TTF2: variants seen among roughly 807,000 people sequenced by gnomAD.
TTF2 encodes the protein RNA polymerase II termination factor.
In TTF2, 108 loss-of-function variants were observed where a neutral mutation model predicts 142.4. That is an observed-to-expected ratio of 0.76 (90% CI 0.65 to 0.89). The LOEUF is 0.89. TTF2 is among the 40% of genes least tolerant of loss of function. The pLI is 0.00. For missense variants in TTF2, 1,327 were observed against 1,379.8 expected (o/e 0.96, Z 0.61); for synonymous variants, 483 against 506.2 (o/e 0.95, Z 0.61).
At chr1:117,095,520 T>C (rs1649041274) in intron 19 of TTF2, among the ~76,000 whole-genome samples, 153 bp downstream of exon 19, 1 of 152,160 alleles carries the variant, frequency 6.6e-6, no homozygotes. Flanking sequence ...ATTAAAATAT[T>C]TGTGGTACAA....
chr1:117,072,572 G>A (rs1326541537), intron 3 of TTF2, among the ~76,000 whole-genome samples: 4 of 151,694 alleles, frequency 2.6e-5, no homozygotes, highest in Admixed American at 2.6e-4. Context: ...CTACAGGCAT[G>A]TGCCACCACG....
In TTF2 at chr1:117,060,500, A is replaced by G. The variant is rs1365322363; in HGVS notation, c.74A>G (p.Lys25Arg). The G allele has an allele frequency of 6.2e-7, 1 of 1,613,852 alleles. No homozygotes were observed. Among genetic ancestry groups the G allele is most frequent in the Non-Finnish European group, 8.5e-7 (1 of 1,179,910 alleles). The change falls in exon 2 of 23, where the codon AAA (lysine) becomes AGA (arginine). Residue 25 changes from lysine to arginine, a missense_variant. Coordinates refer to ENST00000369466, the MANE Select transcript of TTF2 (RefSeq NM_003594.4). Reference protein sequence around the residue: ...LKTGVRDGPNKGKSFYVCRAD... With the variant: ...LKTGVRDGPNRGKSFYVCRAD... ...ACCGGCGTCCGCGATGGCCCGAATA[A>G]AGGAAAGAGCTTCTACGTGTGCCGG...
At position 117,098,926 on chromosome 1, in the gene TTF2, G is replaced by T; in HGVS notation, c.3344+19G>T. On this transcript the variant is annotated intron_variant, in intron 22 of 22. Coordinates refer to ENST00000369466, the MANE Select transcript of TTF2 (RefSeq NM_003594.4). ...TACACAGGTAAGTAATGGTCCCCAG[G>T]ACCCAGGACCCTTCTCAACTTGTAC... 6.2e-7 allele frequency: 1 copy of T among 1,602,468 alleles called. No individual in the cohort carries two copies. The highest frequency in any genetic ancestry group is 1.1e-5 in the South Asian group (1 of 89,496).
rs767196185 is a variant in TTF2, at chr1:117,087,558, G to T, written c.2160+1036G>T. ...TCCACCCGCCTCGGCCTCCCAAAGT[G>T]CTGGGATTATAGGCATGAGCCACCA... On this transcript the variant is annotated intron_variant, in intron 12 of 22. Transcript: ENST00000369466. The surrounding 1 kb of genome is among the most constrained non-coding windows in gnomAD (Gnocchi z 4.8). 6.6e-6 allele frequency among the ~76,000 whole-genome samples: 1 copy of T among 152,184 alleles called. No individual in the cohort carries two copies. Among genetic ancestry groups the T allele is most frequent in the Non-Finnish European group, 1.5e-5 (1 of 68,036 alleles).
rs776646557 is a variant in TTF2 at position 117,075,974 on chromosome 1, G to T, written c.1275+115G>T. The T allele has an allele frequency of 9.1e-5, 130 of 1,428,780 alleles. No individual in the cohort carries two copies. Among genetic ancestry groups the T allele is most frequent in the Non-Finnish European group, 1.1e-4 (118 of 1,073,912 alleles). The allele number at this position is 1,428,780 out of a possible 1,614,324, so 88.5% of individuals were successfully genotyped here. A position where few individuals can be genotyped will look rare whatever the true frequency, so the allele number is the denominator to read the frequency against. ...ATGTTCATGTGAAGGTTTTATAGGTGCATGTTCAGTTTCTGCCTTTTCCCC... is the reference window on the plus strand; with the variant it reads ...ATGTTCATGTGAAGGTTTTATAGGTTCATGTTCAGTTTCTGCCTTTTCCCC... On this transcript the variant is annotated intron_variant, in intron 5 of 22. Coordinates refer to ENST00000369466, the MANE Select transcript of TTF2 (RefSeq NM_003594.4). This position sits in a 1 kb window ranked among gnomAD's most constrained non-coding sequence, Gnocchi z 4.5.
chr1:117,060,974 G>GT lies in TTF2; in HGVS notation c.131+425dup, dbSNP rs1176070072. Among the ~76,000 whole-genome samples, 14 of 152,200 alleles carry GT rather than the reference G, an allele frequency of 9.2e-5. No individual in the cohort carries two copies. The East Asian group carries it at 2.1e-3, about 23-fold the overall frequency. ...TTTTGCACTAGTTTTAGGCCCGACGGTTTTTTTTAAATGTTTGAGCTTAAA... is the reference window on the plus strand; with the variant it reads ...TTTTGCACTAGTTTTAGGCCCGACGGTTTTTTTTTAAATGTTTGAGCTTAAA... On this transcript the variant is annotated intron_variant, in intron 2 of 22. Coordinates refer to ENST00000369466, the MANE Select transcript of TTF2 (RefSeq NM_003594.4).
rs1271780666 is a variant in TTF2, at chr1:117,100,472, A to G, written c.3345-908A>G. On this transcript the variant is annotated intron_variant, in intron 22 of 22. Transcript: ENST00000369466. This position sits in a 1 kb window ranked among gnomAD's most constrained non-coding sequence, Gnocchi z 4.6. ...TCATCCACTTCTCATATTCTTCAGT[A>G]GCTCTCACCTCCTATAGGATCAAAT... 6.6e-6 allele frequency among the ~76,000 whole-genome samples: 1 copy of G among 152,054 alleles called. No homozygotes were observed. The highest frequency in any genetic ancestry group is 1.5e-5 in the Non-Finnish European group (1 of 68,004).
chr1:117,074,351 G>A (rs1217588202), intron 4 of TTF2, among the ~76,000 whole-genome samples: 1 of 152,310 alleles, frequency 6.6e-6, no homozygotes, highest in South Asian at 2.1e-4. Flanking sequence ...CATTGTGATT[G>A]TAAAAGCACT....
Position 117,090,696 on chromosome 1 carries a change from G to T in TTF2, c.2588+73G>T. 1 of 1,295,376 alleles carries T rather than the reference G, an allele frequency of 7.7e-7. No individual in the cohort carries two copies. 80.2% of individuals were successfully genotyped at this position (1,295,376 alleles called of 1,614,324 possible). A position where few individuals can be genotyped will look rare whatever the true frequency, so the allele number is the denominator to read the frequency against. On this transcript the variant is annotated intron_variant, in intron 15 of 22. Coordinates refer to ENST00000369466, the MANE Select transcript of TTF2 (RefSeq NM_003594.4). This position sits in a 1 kb window ranked among gnomAD's most constrained non-coding sequence, Gnocchi z 4.8. The stretch of plus-strand genomic sequence containing the variant: ...GTCTTTTCTTGGGAGTGAGTTGAAG[G>T]TCAAATTTCCACAAACTTTATGGCA...
Position 117,062,438 on chromosome 1 carries a change from G to T in TTF2, c.183G>T (p.Gln61His). The T allele has an allele frequency of 6.2e-7, 1 of 1,612,936 alleles. No individual in the cohort carries two copies. ...ATGAGGACTTTGTGGTAGAGCTTCA[G>T]GGTTTGCTTCTGCCACAGGACAAGA... ...LLHEDFVVEL[Q>H]GLLLPQDKKE... Residue 61 changes from glutamine (Q) to histidine (H), a missense_variant, in exon 3 of 23, where the codon CAG (glutamine) becomes CAT (histidine). Gln to His is a conservative substitution (Grantham distance 24). Transcript: ENST00000369466.
Position 117,106,983 on chromosome 1 carries a change from T to C in TTF2, c.*5459T>C, listed in dbSNP as rs1649993475. On this transcript the variant is annotated 3_prime_UTR_variant, in exon 23 of 23. Coordinates refer to ENST00000369466, the MANE Select transcript of TTF2 (RefSeq NM_003594.4). ...CATCCCAGAGGACAGAGGCTCTTATTTGTGACTCTTTTTTCTTACCTGTAA... is the reference window on the plus strand; with the variant it reads ...CATCCCAGAGGACAGAGGCTCTTATCTGTGACTCTTTTTTCTTACCTGTAA... The C allele has an allele frequency of 6.6e-6, 1 of 152,212 alleles. No homozygotes were observed. The highest frequency in any genetic ancestry group is 2.1e-4 in the South Asian group (1 of 4,830). The allele number at this position is 152,212 out of a possible 1,614,324, so 9.4% of individuals were successfully genotyped here.
rs1384250013 is a variant in TTF2, at chr1:117,087,676, C to T, written c.2161-1125C>T. Among the ~76,000 whole-genome samples the T allele has an allele frequency of 2.0e-5, 3 of 152,192 alleles. No homozygotes were observed. The highest frequency in any genetic ancestry group is 2.0e-4 in the Admixed American group (3 of 15,286). On this transcript the variant is annotated intron_variant, in intron 12 of 22. Transcript: ENST00000369466. The surrounding 1 kb of genome is among the most constrained non-coding windows in gnomAD (Gnocchi z 4.8). ...CTGCCCCTCCCTGGGGCACCTCTTG[C>T]TCAGTCATACCAAGGGATCTGTAGT...
chr1:117,070,034 TAACA>T lies in TTF2; in HGVS notation c.219-3619_219-3616del, dbSNP rs1656455195. ...TGTTGATTTACAATATAATAAAACG[TAACA>T]AACAAACTTATTATCCTAAAATCAG... On this transcript the variant is annotated intron_variant, in intron 3 of 22. Transcript: ENST00000369466. The surrounding 1 kb of genome is among the most constrained non-coding windows in gnomAD (Gnocchi z 4.2). Among the ~76,000 whole-genome samples the T allele has an allele frequency of 1.3e-5, 2 of 152,230 alleles. No homozygotes were observed. Among genetic ancestry groups the T allele is most frequent in the South Asian group, 2.1e-4 (1 of 4,834 alleles).
intron 1 of TTF2, 22 bp from the exon 2 acceptor site, chr1:117,060,433 G>A (rs1435270484): frequency 1.2e-6 from 2 of 1,611,522 alleles, no homozygotes; most frequent in Non-Finnish European, 1.7e-6. Flanking sequence ...CGTAATCGTT[G>A]TTCACTTTCT....
rs370116523 is a variant in TTF2 at position 117,105,146 on chromosome 1, GA to G, written c.*3624del. ...AGGTAATAAATGCTTTGAAAACCAT[GA>G]AGGGCCACACAAGTGCTAGTGTTAT... On this transcript the variant is annotated 3_prime_UTR_variant, in exon 23 of 23. Coordinates refer to ENST00000369466, the MANE Select transcript of TTF2 (RefSeq NM_003594.4). This position sits in a 1 kb window ranked among gnomAD's most constrained non-coding sequence, Gnocchi z 4.7. 6.0e-4 allele frequency: 91 copies of G among 152,322 alleles called. No individual in the cohort carries two copies. The highest frequency in any genetic ancestry group is 2.1e-3 in the African/African-American group (86 of 41,568). 9.4% of individuals were successfully genotyped at this position (152,322 alleles called of 1,614,324 possible). A position where few individuals can be genotyped will look rare whatever the true frequency, so the allele number is the denominator to read the frequency against.
In TTF2 at chr1:117,092,295, G is replaced by T. The variant is rs1341010769; in HGVS notation, c.2805+345G>T. Among the ~76,000 whole-genome samples, 2 of 152,126 alleles carry T rather than the reference G, an allele frequency of 1.3e-5. No individual in the cohort carries two copies. The highest frequency in any genetic ancestry group is 1.3e-4 in the Admixed American group (2 of 15,282). ...ATGTCATAAAGCTAATTTAGTTCTT[G>T]GGGTTTTCTGCTTTCAGGCAGTTTT... On this transcript the variant is annotated intron_variant, in intron 17 of 22. Transcript: ENST00000369466. This position sits in a 1 kb window ranked among gnomAD's most constrained non-coding sequence, Gnocchi z 4.4.
intron 3 of TTF2, 82 bp downstream of exon 3, chr1:117,062,555 A>G: frequency 7.5e-7 from 1 of 1,342,000 alleles, no homozygotes; most frequent in East Asian, 2.5e-5. Context: ...GGTATGTATT[A>G]GGATTGTTCT....
At chr1:117,062,269 ACCCAGTAGAGGTTATAC>A in intron 2 of TTF2, 101 bp from the exon 3 acceptor site, 1 of 858,524 alleles carries the variant, frequency 1.2e-6, no homozygotes, top group Non-Finnish European at 1.8e-6. Context: ...GGAATTACAA[ACCCAGTAGAGGTTATAC>A]ATAGATTCTT....
rs909565324 is a variant in TTF2, at chr1:117,060,626, C to G, written c.131+69C>G. On this transcript the variant is annotated intron_variant, in intron 2 of 22. Coordinates refer to ENST00000369466, the MANE Select transcript of TTF2 (RefSeq NM_003594.4). ...CTCCCGAGAGGAGCTTCCCGCTCCC[C>G]GCTGTCGGGCGTCACAGGGCCGAGG... The G allele has an allele frequency of 1.1e-5, 16 of 1,472,806 alleles. No homozygotes were observed. The Middle Eastern group carries it at 7.4e-4, about 68-fold the overall frequency. The allele number at this position is 1,472,806 out of a possible 1,614,324, so 91.2% of individuals were successfully genotyped here.
Sources: gnomAD v4.1 joint callset for allele counts (sites outside exome capture counted in the v4.1 genomes callset) on GRCh38, gnomAD v4.1.1 for gene constraint, Gnocchi (gnomAD v3.1) non-coding constraint, MANE v1.5 for transcripts, NCBI Gene and HGNC (gene_info 2026-07-23, HGNC 2026-07-21) for gene names.